Variants in NDST4 observed in about 807,000 individuals in gnomAD.
The protein encoded by NDST4 is N-deacetylase and N-sulfotransferase 4, also known as N-heparan sulfate sulfotransferase 4.
In NDST4, 63 loss-of-function variants were observed where a neutral mutation model predicts 100.8. That is an observed-to-expected ratio of 0.62 (90% confidence interval 0.51 to 0.77). The LOEUF is 0.77. Ranked by LOEUF, NDST4 falls within the 30% of genes least tolerant of loss-of-function variation. The probability of loss-of-function intolerance (pLI) is 0.00; values close to 1 mark genes in which losing one functional copy is unlikely to be tolerated. For missense variants in NDST4, 943 were observed against 1,018.4 expected, an observed-to-expected ratio of 0.93 and a Z score of 1.01; for synonymous variants, 377 against 361.8, an observed-to-expected ratio of 1.04 and a Z score of -0.48.
intron 1 of NDST4, among the ~76,000 whole-genome samples, chr4:115,088,684 T>C (rs1025043212): frequency 5.3e-5 from 8 of 152,034 alleles, no homozygotes; most frequent in Non-Finnish European, 8.8e-5. Context: ...TTTTTCTCTT[T>C]AGCTTCAGAG....
intron 6 of NDST4, among the ~76,000 whole-genome samples, chr4:114,916,729 G>A (rs1725182720): frequency 6.7e-6 from 1 of 149,790 alleles, no homozygotes. Flanking sequence ...GTCTTACCAT[G>A]TTGCCCAGCC....
chr4:114,977,841 A>G (rs1398785652), intron 2 of NDST4, among the ~76,000 whole-genome samples: 1 of 152,034 alleles, frequency 6.6e-6, no homozygotes, highest in Admixed American at 6.6e-5. Flanking sequence ...AGGGAAGAAC[A>G]TGTAAAAATA....
chr4:114,871,051 C>T (rs2126196953), intron 6 of NDST4, 101 bp from the exon 7 acceptor site: 1 of 703,682 alleles, frequency 1.4e-6, no homozygotes, highest in Non-Finnish European at 2.2e-6. Context: ...TGGAATTTCA[C>T]AAGAAGTACA....
intron 2 of NDST4, among the ~76,000 whole-genome samples, chr4:114,988,569 G>C (rs1726965795): frequency 6.6e-6 from 1 of 151,488 alleles, no homozygotes; most frequent in Non-Finnish European, 1.5e-5. Flanking sequence ...CACTGTGTTA[G>C]CCAGGATGGT....
intron 6 of NDST4, among the ~76,000 whole-genome samples, chr4:114,887,245 G>C (rs1177012376): frequency 1.3e-5 from 2 of 152,162 alleles, no homozygotes; most frequent in African/African-American, 2.4e-5. Flanking sequence ...ATTTTGGAAA[G>C]TGGCAGCAAA....
At chr4:114,986,389 T>C (rs1163729752) in intron 2 of NDST4, among the ~76,000 whole-genome samples, 9 of 152,100 alleles carry the variant, frequency 5.9e-5, no homozygotes, top group Admixed American at 5.9e-4. Flanking sequence ...GGTGTCCTGG[T>C]CATCTCCTTT....
At chr4:114,924,574 G>A (rs956091603) in intron 6 of NDST4, among the ~76,000 whole-genome samples, 1 of 151,988 alleles carries the variant, frequency 6.6e-6, no homozygotes, top group Non-Finnish European at 1.5e-5. Context: ...TCAGCTCTAA[G>A]CCCCAGAGCT....
At chr4:114,870,162 A>G (rs1383763377) in intron 7 of NDST4, among the ~76,000 whole-genome samples, 2 of 152,168 alleles carry the variant, frequency 1.3e-5, no homozygotes, top group Non-Finnish European at 2.9e-5. Context: ...TGATGCATCC[A>G]GGCTAAGTGG....
intron 2 of NDST4, among the ~76,000 whole-genome samples, chr4:115,033,157 A>ATATTTT (rs1491126767): frequency 1.3e-4 from 8 of 59,942 alleles, no homozygotes; most frequent in Admixed American, 3.6e-4. Flanking sequence ...ATATATATAT[A>ATATTTT]TTTTTTTTTT....
chr4:114,951,828 A>G (rs1397894154), intron 4 of NDST4, among the ~76,000 whole-genome samples: 1 of 152,134 alleles, frequency 6.6e-6, no homozygotes, highest in Admixed American at 6.6e-5. Flanking sequence ...CACAGGGAGG[A>G]GCCTTTATGT....
chr4:115,011,972 C>T (rs992265373), intron 2 of NDST4, among the ~76,000 whole-genome samples: 2 of 151,436 alleles, frequency 1.3e-5, no homozygotes, highest in Admixed American at 6.6e-5. Context: ...TGAATGGCAA[C>T]ATGAAAGAGA....
chr4:115,006,488 A>G (rs1727420138), intron 2 of NDST4, among the ~76,000 whole-genome samples: 2 of 152,198 alleles, frequency 1.3e-5, no homozygotes, highest in Admixed American at 6.6e-5. Flanking sequence ...AGTTTAATAG[A>G]CAGGTATTAG....
At chr4:114,935,428 C>T (rs562573497) in intron 5 of NDST4, 94 bp from the exon 6 acceptor site, 37 of 1,234,302 alleles carry the variant, frequency 3.0e-5, no homozygotes, top group Non-Finnish European at 3.8e-5. Context: ...ATTGTAATTT[C>T]CTATTGGATT....
chr4:114,828,194 A>G (rs1723122375), intron 13 of NDST4, among the ~76,000 whole-genome samples: 1 of 152,286 alleles, frequency 6.6e-6, no homozygotes, highest in East Asian at 1.9e-4. Context: ...TGTGGGATAT[A>G]TGAAGTCTAC....
At chr4:114,932,660 C>T (rs72681423) in intron 6 of NDST4, among the ~76,000 whole-genome samples, 1 of 151,704 alleles carries the variant, frequency 6.6e-6, no homozygotes. Flanking sequence ...TATATGAAAT[C>T]AATGTACAAA....
At chr4:114,991,101 G>A (rs1233702067) in intron 2 of NDST4, among the ~76,000 whole-genome samples, 1 of 152,020 alleles carries the variant, frequency 6.6e-6, no homozygotes, top group Non-Finnish European at 1.5e-5. Flanking sequence ...ATGAGAGATA[G>A]CTCTTTCGGA....
intron 6 of NDST4, among the ~76,000 whole-genome samples, chr4:114,900,262 T>A (rs1724807050): frequency 6.6e-6 from 1 of 152,120 alleles, no homozygotes; most frequent in South Asian, 2.1e-4. Flanking sequence ...CTCTTATTGA[T>A]CATTTTAGAG....
chr4:114,876,897 A>G (rs1203456609), intron 6 of NDST4, among the ~76,000 whole-genome samples: 2 of 152,240 alleles, frequency 1.3e-5, no homozygotes, highest in Non-Finnish European at 2.9e-5. Context: ...ACTAGGAACT[A>G]AGAAACTATC....
At chr4:114,837,442 G>T (rs893438514) in intron 11 of NDST4, among the ~76,000 whole-genome samples, 1 of 152,136 alleles carries the variant, frequency 6.6e-6, no homozygotes, top group African/African-American at 2.4e-5. Flanking sequence ...CAAGGCTACA[G>T]TAACCAAACA....
Sources: gnomAD v4.1 joint callset for allele counts (sites outside exome capture counted in the v4.1 genomes callset) on GRCh38, gnomAD v4.1.1 for gene constraint, MANE v1.5 for transcripts, NCBI Gene and HGNC (gene_info 2026-07-23, HGNC 2026-07-21) for gene names.